Variants in AP3D1 observed in about 807,000 individuals in gnomAD.
AP3D1 encodes adaptor related protein complex 3 subunit delta 1, also known as AP-3 complex subunit delta-1.
In AP3D1, 51 loss-of-function variants were observed where a neutral mutation model predicts 147.6. The ratio of observed to expected loss-of-function variants is 0.35; its 90% CI spans 0.28 to 0.44. The LOEUF (loss-of-function observed/expected upper bound fraction) is 0.44, where lower values mean the gene tolerates loss of function less well. Ranked by LOEUF, AP3D1 falls within the 20% of genes least tolerant of loss-of-function variation. The pLI is 1.00. For missense variants in AP3D1, 1,421 were observed against 1,624.2 expected (o/e 0.87, Z 2.15); for synonymous variants, 760 against 663.0 (o/e 1.15, Z -2.25).
rs1162591179 is a variant in AP3D1 at position 2,116,313 on chromosome 19, G to A, written c.2002-35C>T. On this transcript the variant is annotated intron_variant, in intron 17 of 31. Coordinates refer to ENST00000643116, the MANE Select transcript of AP3D1 (RefSeq NM_001261826.3). ...ACAGCTTGGCATGAGCCCGAGAGAA[G>A]CGGGCAGGATACCCCTCTGTGGACG... 8 of 1,602,580 alleles carry A rather than the reference G, an allele frequency of 5.0e-6. No individual in the cohort carries two copies. In the African/African-American group the frequency reaches 6.7e-5, roughly 13 times the overall value.
chr19:2,151,045 G>T (rs2019494154), intron 1 of AP3D1, among the ~76,000 whole-genome samples, 194 bp downstream of exon 1: 1 of 152,254 alleles, frequency 6.6e-6, no homozygotes, highest in Non-Finnish European at 1.5e-5. Context: ...CCCTCGTGGG[G>T]AAACTGATGC....
Position 2,116,688 on chromosome 19 carries a change from T to C in AP3D1, c.1918A>G (p.Arg640Gly), listed in dbSNP as rs757178384. 1.8e-5 allele frequency: 29 copies of C among 1,610,386 alleles called. No homozygotes were observed. The highest frequency in any genetic ancestry group is 2.5e-5 in the Non-Finnish European group (29 of 1,178,682). ...PLSDSESEDE[R>G]PRAVFHEEEQ... is the part of the protein sequence containing the mutation. ...TCCTCGTGGAAGACGGCCCTGGGCC[T>C]CTCGTCCTCTGACTCGCTGTCCGAG... is the stretch of plus-strand genomic sequence containing the variant. Residue 640 changes from arginine (R) to glycine (G), a missense_variant, in exon 17 of 32, where the codon AGG becomes GGG. This residue lies in a region of AP3D1 where 791 missense variants were observed against 761.4 expected (regional missense o/e 1.04). Coordinates refer to ENST00000643116, the MANE Select transcript of AP3D1 (RefSeq NM_001261826.3).
intron 14 of AP3D1, 80 bp from the exon 15 acceptor site, chr19:2,118,912 G>T: frequency 7.4e-7 from 1 of 1,343,812 alleles, no homozygotes. Flanking sequence ...TAGGAGGCCT[G>T]GGCTCGTCAC....
chr19:2,128,472 CG>C (rs1465816181), intron 8 of AP3D1, among the ~76,000 whole-genome samples: 5 of 93,714 alleles, frequency 5.3e-5, no homozygotes, highest in African/African-American at 1.5e-4. Context: ...GGCCCGCCCC[CG>C]CCGCTCCGAC....
At chr19:2,125,665 A>G (rs1283049492) in intron 9 of AP3D1, among the ~76,000 whole-genome samples, 1 of 151,810 alleles carries the variant, frequency 6.6e-6, no homozygotes, top group Non-Finnish European at 1.5e-5. Flanking sequence ...TTTTTTTCTT[A>G]AAATAGGTGT....
intron 1 of AP3D1, among the ~76,000 whole-genome samples, chr19:2,157,030 T>C (rs973263483): frequency 6.7e-6 from 1 of 149,232 alleles, no homozygotes. Context: ...TACACCCATC[T>C]ATCATTCATC....
intron 15 of AP3D1, 63 bp downstream of exon 15, chr19:2,118,538 A>T (rs946782390): frequency 9.3e-6 from 14 of 1,498,906 alleles, no homozygotes; most frequent in Non-Finnish European, 1.3e-5. Flanking sequence ...CCTGGCCGCC[A>T]CTGGACAGAA....
At position 2,114,317 on chromosome 19, in the gene AP3D1, A is replaced by T. The variant is rs2018377137; in HGVS notation, c.2424-15T>A. On this transcript the variant is annotated splice_polypyrimidine_tract_variant and intron_variant, in intron 21 of 31. Coordinates refer to ENST00000643116, the MANE Select transcript of AP3D1 (RefSeq NM_001261826.3). The stretch of plus-strand genomic sequence containing the variant: ...CGGCTAAGGGCCTGGAGGAGGAATG[A>T]CCGGGCCACACATCAGCACCACTGG... The T allele has an allele frequency of 6.2e-7, 1 of 1,603,266 alleles. No homozygotes were observed. The highest frequency in any genetic ancestry group is 1.4e-5 in the African/African-American group (1 of 73,796).
intron 12 of AP3D1, 112 bp from the exon 13 acceptor site, chr19:2,121,423 G>T: frequency 2.2e-6 from 3 of 1,361,246 alleles, no homozygotes; most frequent in East Asian, 4.6e-5. Flanking sequence ...GGCGGACCCG[G>T]ATTCACAGAT....
Position 2,118,734 on chromosome 19 carries a change from A to C in AP3D1, c.1580T>G (p.Val527Gly). 1 of 1,613,680 alleles carries C rather than the reference A, an allele frequency of 6.2e-7. No individual in the cohort carries two copies. The highest frequency in any genetic ancestry group is 8.5e-7 in the Non-Finnish European group (1 of 1,179,990). The change falls in exon 15 of 32, where the codon GTC becomes GGC. Residue 527 changes from valine to glycine, a missense_variant. Val to Gly is a moderately radical substitution (Grantham distance 109, BLOSUM62 -3). Coordinates refer to ENST00000643116, the MANE Select transcript of AP3D1 (RefSeq NM_001261826.3). ...CTGCAGGATGGAGGCGTAGAGCTTG[A>C]CCACGTTCTGCACATACACGGCCTG... The part of the protein sequence containing the change: ...HIQAVYVQNV[V>G]KLYASILQQK...
chr19:2,151,184 G>A, intron 1 of AP3D1, 55 bp downstream of exon 1: 3 of 1,540,998 alleles, frequency 1.9e-6, no homozygotes, highest in Non-Finnish European at 2.7e-6. Context: ...GCAGGGCTGG[G>A]CCCTGGGCCG....
At chr19:2,125,893 T>C (rs2018741993) in intron 9 of AP3D1, among the ~76,000 whole-genome samples, 1 of 150,546 alleles carries the variant, frequency 6.6e-6, no homozygotes, top group Non-Finnish European at 1.5e-5. Context: ...AGGCCTGTAA[T>C]CCCATCACTT....
chr19:2,143,031 G>A (rs1038633898), intron 1 of AP3D1, among the ~76,000 whole-genome samples: 32 of 151,270 alleles, frequency 2.1e-4, no homozygotes, highest in African/African-American at 4.4e-4. Flanking sequence ...CCCAAAGTGC[G>A]GGGATTACAG....
intron 1 of AP3D1, among the ~76,000 whole-genome samples, chr19:2,163,374 G>A (rs146931178): frequency 2.0e-3 from 300 of 151,446 alleles, no homozygotes; most frequent in Admixed American, 4.9e-3. Flanking sequence ...GCTCCTGGCC[G>A]TGAGAGGGGG....
chr19:2,126,305 C>T (rs1473746293), intron 9 of AP3D1, among the ~76,000 whole-genome samples: 3 of 149,940 alleles, frequency 2.0e-5, no homozygotes, highest in South Asian at 2.1e-4. Context: ...GGACATTGGT[C>T]GTTGGCCCTT....
At chr19:2,104,663 C>G (rs1411884417) in intron 31 of AP3D1, among the ~76,000 whole-genome samples, 1 of 142,124 alleles carries the variant, frequency 7.0e-6, no homozygotes, top group Admixed American at 7.0e-5. Flanking sequence ...CTCTCTGACA[C>G]AAGTTTTTTT....
chr19:2,110,728 C>T lies in AP3D1; in HGVS notation c.3154G>A (p.Val1052Met), dbSNP rs780575228. The T allele has an allele frequency of 4.0e-5, 64 of 1,604,742 alleles. No homozygotes were observed. Among genetic ancestry groups the T allele is most frequent in the East Asian group, 1.6e-4 (7 of 44,488 alleles). ...TCACCTGGGGGCAGCTGGAAAGGCACGGGGACGCCATCGTGGACGGAGGAG... is the reference window on the plus strand; with the variant it reads ...TCACCTGGGGGCAGCTGGAAAGGCATGGGGACGCCATCGTGGACGGAGGAG... Reference protein sequence around the residue: ...QGSSVHDGVPVPFQLPPGVSN... With the variant: ...QGSSVHDGVPMPFQLPPGVSN... Residue 1052 changes from valine to methionine, a missense_variant, in exon 27 of 32, where the codon GTG (valine) becomes ATG (methionine). Val to Met is a conservative substitution (Grantham distance 21). This residue lies in a region of AP3D1 where 791 missense variants were observed against 761.4 expected (regional missense o/e 1.04). Transcript: ENST00000643116.
At chr19:2,114,528 C>T (rs1238659197) in intron 21 of AP3D1, among the ~76,000 whole-genome samples, 1 of 152,184 alleles carries the variant, frequency 6.6e-6, no homozygotes, top group Non-Finnish European at 1.5e-5. Flanking sequence ...ACCTCCCGAG[C>T]ACCCCAGGCC....
chr19:2,102,753 A>G (rs1287807589), intron 31 of AP3D1, among the ~76,000 whole-genome samples: 1 of 140,640 alleles, frequency 7.1e-6, no homozygotes, highest in Non-Finnish European at 1.6e-5. Context: ...ATAAATAAAT[A>G]AATAAATAAA....
Sources: gnomAD v4.1 joint callset for allele counts (sites outside exome capture counted in the v4.1 genomes callset) on GRCh38, gnomAD v4.1.1 for gene constraint, gnomAD v4.1.1 regional missense constraint, MANE v1.5 for transcripts, NCBI Gene and HGNC (gene_info 2026-07-23, HGNC 2026-07-21) for gene names.